Variants in RYR2 observed in about 807,000 individuals in gnomAD.
RYR2 encodes the protein cardiac muscle ryanodine receptor-calcium release channel.
RYR2 carries 227 observed loss-of-function variants against 601.1 expected under a neutral mutation model. That is an observed-to-expected ratio of 0.38 (90% CI 0.34 to 0.42). The LOEUF (loss-of-function observed/expected upper bound fraction) is 0.42. Ranked by LOEUF, RYR2 falls within the 10% of genes least tolerant of loss-of-function variation. The pLI, the probability that RYR2 is intolerant of heterozygous loss-of-function variation, is 1.00. For missense variants in RYR2, 4,646 were observed against 6,156.5 expected (o/e 0.75, Z 8.21); for synonymous variants, 2,223 against 2,175.1 (o/e 1.02, Z -0.61).
At chr1:237,057,987 G>A (rs1372165997) in intron 1 of RYR2, among the ~76,000 whole-genome samples, 4 of 152,158 alleles carry the variant, frequency 2.6e-5, no homozygotes, top group African/African-American at 9.7e-5. Context: ...AAGCTTTGTT[G>A]GTTCAAAGCT....
intron 10 of RYR2, among the ~76,000 whole-genome samples, chr1:237,408,595 C>T (rs1203570112): frequency 1.3e-5 from 2 of 151,930 alleles, no homozygotes; most frequent in Non-Finnish European, 2.9e-5. Context: ...TATAGTAAGT[C>T]CTGAAATCAG....
In RYR2 at chr1:237,670,175, G is replaced by T. The variant is rs1265435896; in HGVS notation, c.8590+2217G>T. Among the ~76,000 whole-genome samples, 4 of 151,660 alleles carry T rather than the reference G, an allele frequency of 2.6e-5. No individual in the cohort carries two copies. In the South Asian group the frequency reaches 8.3e-4, roughly 32 times the overall value. Reference sequence around the variant, plus strand: ...GTGGCGGCGCGCGCCTGCAATCGCAGGCACTCGGCAGGCTGAGGCAGGAGA... The same window carrying T: ...GTGGCGGCGCGCGCCTGCAATCGCATGCACTCGGCAGGCTGAGGCAGGAGA... On this transcript the variant is annotated intron_variant, in intron 58 of 104. Transcript: ENST00000366574.
intron 58 of RYR2, among the ~76,000 whole-genome samples, chr1:237,671,617 T>G (rs964204642): frequency 6.6e-6 from 1 of 151,934 alleles, no homozygotes; most frequent in Non-Finnish European, 1.5e-5. Context: ...CAGTTTTGTT[T>G]TCACCCATTC....
chr1:237,378,027 A>G (rs1473825007), intron 8 of RYR2, among the ~76,000 whole-genome samples: 1 of 152,196 alleles, frequency 6.6e-6, no homozygotes, highest in African/African-American at 2.4e-5. Flanking sequence ...CACACCCAAA[A>G]CTGGGCAATT....
At chr1:237,530,216 C>A (rs1667999703) in intron 24 of RYR2, among the ~76,000 whole-genome samples, 1 of 151,452 alleles carries the variant, frequency 6.6e-6, no homozygotes, top group African/African-American at 2.4e-5. Context: ...GAGGTTGAGG[C>A]AGGAGAATGG....
chr1:237,445,451 A>G lies in RYR2; in HGVS notation c.1221A>G (p.Arg407=). ...TGGATGATGGCATAAGTTTGTCGAGATCCCAGCATGAAGAATCACGCACAG... is the reference window on the plus strand; with the variant it reads ...TGGATGATGGCATAAGTTTGTCGAGGTCCCAGCATGAAGAATCACGCACAG... The part of the protein sequence containing the change: ...GHMDDGISLS[R]SQHEESRTAR... The change falls in exon 14 of 105, where the codon AGA becomes AGG. Residue 407 remains arginine, a synonymous_variant. Transcript: ENST00000366574. 6.2e-7 allele frequency: 1 copy of G among 1,613,760 alleles called. No individual in the cohort carries two copies. The highest frequency in any genetic ancestry group is 8.5e-7 in the Non-Finnish European group (1 of 1,179,742).
intron 24 of RYR2, among the ~76,000 whole-genome samples, chr1:237,526,943 T>C (rs1296324346): frequency 6.6e-6 from 1 of 152,244 alleles, no homozygotes; most frequent in Non-Finnish European, 1.5e-5. Context: ...AGGTCTTACA[T>C]TTATATCTTT....
intron 62 of RYR2, among the ~76,000 whole-genome samples, chr1:237,683,117 G>T (rs1686035872): frequency 6.6e-6 from 1 of 152,068 alleles, no homozygotes; most frequent in Non-Finnish European, 1.5e-5. Context: ...TATTGGTAGG[G>T]TATAAACTCA....
chr1:237,645,627 T>C lies in RYR2; in HGVS notation c.7342+2180T>C, dbSNP rs1157370183. Among the ~76,000 whole-genome samples the C allele has an allele frequency of 2.6e-5, 4 of 152,318 alleles. No individual in the cohort carries two copies. In the East Asian group the frequency reaches 7.7e-4, roughly 29 times the overall value. Reference sequence around the variant, plus strand: ...CCTTTACAGAATGGGCCCCAAAGTTTCCAGGTACCTCCTCGTTTCCTCCAG... The same window carrying C: ...CCTTTACAGAATGGGCCCCAAAGTTCCCAGGTACCTCCTCGTTTCCTCCAG... On this transcript the variant is annotated intron_variant, in intron 48 of 104. Transcript: ENST00000366574.
chr1:237,421,308 C>T (rs1269122327), intron 11 of RYR2, among the ~76,000 whole-genome samples: 1 of 152,212 alleles, frequency 6.6e-6, no homozygotes, highest in East Asian at 1.9e-4. Flanking sequence ...AAACAATACA[C>T]TTAATTTTAT....
intron 21 of RYR2, among the ~76,000 whole-genome samples, chr1:237,502,334 T>C (rs1333968824): frequency 1.3e-5 from 2 of 152,206 alleles, no homozygotes; most frequent in Non-Finnish European, 2.9e-5. Context: ...AAGTTCTTTT[T>C]CGTTGTTGAG....
At chr1:237,309,959 GC>G (rs1694361081) in intron 2 of RYR2, among the ~76,000 whole-genome samples, 3 of 152,166 alleles carry the variant, frequency 2.0e-5, no homozygotes. Flanking sequence ...CAGCACAAGC[GC>G]CACGCGCAGC....
intron 6 of RYR2, among the ~76,000 whole-genome samples, chr1:237,374,359 G>GA (rs1219699684): frequency 1.6e-3 from 226 of 140,628 alleles, no homozygotes; most frequent in Admixed American, 1.9e-3. Flanking sequence ...CATCTCTATG[G>GA]AAAAAAAAAA....
At chr1:237,282,317 T>A (rs975098138) in intron 2 of RYR2, among the ~76,000 whole-genome samples, 24 of 152,108 alleles carry the variant, frequency 1.6e-4, no homozygotes, top group African/African-American at 5.8e-4. Flanking sequence ...TGAACATGGC[T>A]GTGTTCCAAA....
At chr1:237,308,469 C>T (rs1694126258) in intron 2 of RYR2, among the ~76,000 whole-genome samples, 1 of 152,172 alleles carries the variant, frequency 6.6e-6, no homozygotes, top group South Asian at 2.1e-4. Flanking sequence ...AGAATCCTCC[C>T]TTGGATCTGG....
intron 81 of RYR2, among the ~76,000 whole-genome samples, chr1:237,757,169 A>G (rs992037247): frequency 2.6e-5 from 4 of 152,196 alleles, no homozygotes; most frequent in African/African-American, 9.6e-5. Flanking sequence ...AAAATGAAAT[A>G]TGTTACACTA....
rs919008944 is a variant in RYR2, at chr1:237,180,085, C to A, written c.49-90412C>A. On this transcript the variant is annotated intron_variant, in intron 1 of 104. Transcript: ENST00000366574. The surrounding 1 kb of genome is among the most constrained non-coding windows in gnomAD (Gnocchi z 5.3). ...GGAGACCCGACTTACTGAGCCATGTCCGTGTCGTCCTGTTGGTAAGGGCTG... is the reference window on the plus strand; with the variant it reads ...GGAGACCCGACTTACTGAGCCATGTACGTGTCGTCCTGTTGGTAAGGGCTG... 4.6e-5 allele frequency among the ~76,000 whole-genome samples: 7 copies of A among 151,966 alleles called. No homozygotes were observed. Among genetic ancestry groups the A allele is most frequent in the Non-Finnish European group, 8.8e-5 (6 of 68,006 alleles).
chr1:237,436,454 C>CTTTTTTTTTTTTTTTTTTTTTTTTTTT lies in RYR2; in HGVS notation c.1006-4841_1006-4840insTTTTTTTTTTTTTTTTTTTTTTTTTTT, dbSNP rs551140501. On this transcript the variant is annotated intron_variant, in intron 12 of 104. Transcript: ENST00000366574. ...AGCCGAGGGATAATGTGTGATTTTC[C>CTTTTTTTTTTTTTTTTTTTTTTTTTTT]TTTTTTTTTTTTTTTTTTTTTTTTG... Among the ~76,000 whole-genome samples the CTTTTTTTTTTTTTTTTTTTTTTTTTTT allele has an allele frequency of 1.8e-3, 87 of 48,726 alleles. 10 individuals are homozygous for CTTTTTTTTTTTTTTTTTTTTTTTTTTT. Among genetic ancestry groups the CTTTTTTTTTTTTTTTTTTTTTTTTTTT allele is most frequent in the Middle Eastern group, 0.017 (1 of 60 alleles). The allele number at this position is 48,726 out of a possible 152,430, so 32.0% of individuals were successfully genotyped here.
chr1:237,526,755 T>C (rs888564756), intron 24 of RYR2, among the ~76,000 whole-genome samples: 4 of 152,012 alleles, frequency 2.6e-5, no homozygotes, highest in African/African-American at 9.7e-5. Context: ...TTGAAGATAC[T>C]TTCTCCCATT....
Sources: gnomAD v4.1 joint callset for allele counts (sites outside exome capture counted in the v4.1 genomes callset) on GRCh38, gnomAD v4.1.1 for gene constraint, Gnocchi (gnomAD v3.1) non-coding constraint, MANE v1.5 for transcripts, NCBI Gene and HGNC (gene_info 2026-07-23, HGNC 2026-07-21) for gene names.